LUZP2: variants seen among roughly 807,000 people sequenced by gnomAD.
LUZP2 encodes leucine zipper protein 2.
LUZP2 carries 52 observed loss-of-function variants against 51.6 expected under a neutral mutation model. That is an observed-to-expected ratio of 1.01 (90% CI 0.81 to 1.27). The LOEUF (loss-of-function observed/expected upper bound fraction) is 1.27, where lower values mean the gene tolerates loss of function less well. LUZP2 is among the 50% of genes most tolerant of loss of function. LUZP2 has a pLI of 0.00. For missense variants in LUZP2, 436 were observed against 395.4 expected (o/e 1.10, Z -0.87); for synonymous variants, 154 against 137.3 (o/e 1.12, Z -0.85).
At chr11:24,820,108 A>C (rs181383534) in intron 5 of LUZP2, among the ~76,000 whole-genome samples, 1 of 152,264 alleles carries the variant, frequency 6.6e-6, no homozygotes, top group Admixed American at 6.5e-5. Context: ...TAGCCTAGTG[A>C]GACAAAAGAA....
At chr11:24,546,852 A>G (rs1398563148) in intron 1 of LUZP2, among the ~76,000 whole-genome samples, 1 of 152,002 alleles carries the variant, frequency 6.6e-6, no homozygotes, top group African/African-American at 2.4e-5. Flanking sequence ...GAATGGTACC[A>G]GCTCTTCTTT....
chr11:24,821,150 A>C (rs914772754), intron 5 of LUZP2, among the ~76,000 whole-genome samples: 1 of 152,150 alleles, frequency 6.6e-6, no homozygotes, highest in Non-Finnish European at 1.5e-5. Context: ...AACACAGCAT[A>C]TAGTTTGCTT....
At chr11:24,778,566 TTAC>T (rs1187820263) in intron 5 of LUZP2, among the ~76,000 whole-genome samples, 1 of 152,114 alleles carries the variant, frequency 6.6e-6, no homozygotes, top group East Asian at 1.9e-4. Flanking sequence ...GCAAGATACT[TTAC>T]TCCTGGTTAC....
chr11:25,042,133 C>T (rs1414290234), intron 9 of LUZP2, among the ~76,000 whole-genome samples: 2 of 151,848 alleles, frequency 1.3e-5, no homozygotes, highest in African/African-American at 4.8e-5. Flanking sequence ...TTAAAATTTC[C>T]TCATGTTATA....
chr11:24,869,141 A>G (rs1851981334), intron 5 of LUZP2, among the ~76,000 whole-genome samples: 1 of 152,166 alleles, frequency 6.6e-6, no homozygotes, highest in East Asian at 1.9e-4. Flanking sequence ...AATTAAAAAC[A>G]CTCTGCTTGA....
chr11:24,839,835 T>C (rs1850970636), intron 5 of LUZP2, among the ~76,000 whole-genome samples: 1 of 151,742 alleles, frequency 6.6e-6, no homozygotes, highest in Non-Finnish European at 1.5e-5. Context: ...TGAGTTAGAA[T>C]ATAAATGGAA....
At chr11:24,839,216 A>G (rs572804390) in intron 5 of LUZP2, among the ~76,000 whole-genome samples, 1 of 151,718 alleles carries the variant, frequency 6.6e-6, no homozygotes, top group East Asian at 1.9e-4. Context: ...TCTAGGAATG[A>G]TTCTCCAGGA....
intron 1 of LUZP2, among the ~76,000 whole-genome samples, chr11:24,616,601 T>C (rs1412940240): frequency 6.6e-6 from 1 of 152,076 alleles, no homozygotes; most frequent in Non-Finnish European, 1.5e-5. Context: ...TTTGTCAAAA[T>C]GCAGTTGGAC....
intron 1 of LUZP2, among the ~76,000 whole-genome samples, chr11:24,590,862 T>G (rs988303120): frequency 6.6e-6 from 1 of 152,176 alleles, no homozygotes; most frequent in African/African-American, 2.4e-5. Flanking sequence ...GTAACATCCC[T>G]CCTTTGATTT....
chr11:25,063,916 G>T (rs1162459422), intron 10 of LUZP2, among the ~76,000 whole-genome samples: 1 of 151,670 alleles, frequency 6.6e-6, no homozygotes, highest in East Asian at 1.9e-4. Flanking sequence ...GTCAGACAAA[G>T]AACAGGTGAA....
At chr11:24,667,178 TTTTTTC>T (rs1856240848) in intron 1 of LUZP2, among the ~76,000 whole-genome samples, 1 of 140,588 alleles carries the variant, frequency 7.1e-6, no homozygotes, top group Admixed American at 7.0e-5. Flanking sequence ...TACATTTTCT[TTTTTTC>T]TTTTTTTTTT....
chr11:24,520,508 T>C (rs1021825812), intron 1 of LUZP2, among the ~76,000 whole-genome samples: 1 of 152,232 alleles, frequency 6.6e-6, no homozygotes, highest in Non-Finnish European at 1.5e-5. Context: ...AAGAATCTTC[T>C]CATGTAAATT....
At chr11:24,653,617 G>A (rs1224141966) in intron 1 of LUZP2, among the ~76,000 whole-genome samples, 3 of 152,156 alleles carry the variant, frequency 2.0e-5, no homozygotes, top group African/African-American at 7.2e-5. Context: ...TAGAGCATAA[G>A]AGTGAACAGA....
intron 5 of LUZP2, among the ~76,000 whole-genome samples, chr11:24,783,375 C>T (rs1849147148): frequency 6.6e-6 from 1 of 151,750 alleles, no homozygotes; most frequent in African/African-American, 2.4e-5. Flanking sequence ...CAAGACAACA[C>T]AATTTTATAA....
chr11:24,738,002 T>TA (rs150287288), intron 3 of LUZP2, among the ~76,000 whole-genome samples: 9,947 of 151,612 alleles, frequency 0.066, 1,091 homozygotes, highest in African/African-American at 0.23. Context: ...TAAGGTTATT[T>TA]AAAAAAAAAT....
chr11:24,921,091 G>A (rs1854038738), intron 7 of LUZP2, among the ~76,000 whole-genome samples: 1 of 152,050 alleles, frequency 6.6e-6, no homozygotes, highest in African/African-American at 2.4e-5. Flanking sequence ...AGGGTTCTTG[G>A]TCTCCCACTG....
At chr11:24,624,423 C>A (rs1320916469) in intron 1 of LUZP2, among the ~76,000 whole-genome samples, 1 of 151,938 alleles carries the variant, frequency 6.6e-6, no homozygotes, top group Non-Finnish European at 1.5e-5. Context: ...TCAAAAATAG[C>A]TGGTTAAACA....
intron 4 of LUZP2, among the ~76,000 whole-genome samples, chr11:24,742,545 G>T (rs191302412): frequency 1.7e-4 from 26 of 151,884 alleles, no homozygotes; most frequent in Middle Eastern, 3.4e-3. Flanking sequence ...TTTTTGATGG[G>T]ATTCTTTTTA....
At chr11:25,071,521 G>A (rs1466775020) in intron 10 of LUZP2, among the ~76,000 whole-genome samples, 5 of 151,912 alleles carry the variant, frequency 3.3e-5, no homozygotes, top group Admixed American at 2.6e-4. Flanking sequence ...ACTTATCAAT[G>A]AAGCACCTAC....
Sources: allele counts gnomAD v4.1 joint callset (sites outside exome capture counted in the v4.1 genomes callset), GRCh38; gene constraint gnomAD v4.1.1; transcripts MANE v1.5; gene names NCBI Gene and HGNC (gene_info 2026-07-23, HGNC 2026-07-21).